Variants in MAP2 observed in about 807,000 individuals in gnomAD.
MAP2 encodes the protein microtubule-associated protein 2.
A neutral mutation model predicts 137.6 loss-of-function variants in MAP2; 14 were observed. The ratio of observed to expected loss-of-function variants is 0.10; its 90% CI spans 0.07 to 0.16. MAP2 has a LOEUF of 0.16. MAP2 is among the 10% of genes least tolerant of loss of function. MAP2 has a pLI of 1.00. For missense variants in MAP2, 2,088 were observed against 2,191.5 expected (o/e 0.95, Z 0.94); for synonymous variants, 786 against 782.3 (o/e 1.00, Z -0.08).
chr2:209,509,604 T>G (rs2150232527), intron 2 of MAP2, among the ~76,000 whole-genome samples: 1 of 152,090 alleles, frequency 6.6e-6, no homozygotes, highest in South Asian at 2.1e-4. Flanking sequence ...AAAACTATAT[T>G]AACTCACTAG....
chr2:209,572,613 C>T (rs981627468), intron 2 of MAP2, among the ~76,000 whole-genome samples: 10 of 152,108 alleles, frequency 6.6e-5, no homozygotes, highest in Admixed American at 4.6e-4. Flanking sequence ...CAAATCTAGT[C>T]CATTTTTTAA....
At chr2:209,688,938 A>T (rs977364266) in intron 7 of MAP2, among the ~76,000 whole-genome samples, 1 of 152,202 alleles carries the variant, frequency 6.6e-6, no homozygotes, top group African/African-American at 2.4e-5. Flanking sequence ...ATAAAGAAAT[A>T]TAACCCCTAT....
chr2:209,477,285 G>A (rs543114917), intron 1 of MAP2, among the ~76,000 whole-genome samples: 3 of 151,804 alleles, frequency 2.0e-5, no homozygotes, highest in Non-Finnish European at 2.9e-5. Context: ...GGGCCACTTT[G>A]TAACTGCTTG....
chr2:209,506,578 G>A (rs1023849215), intron 1 of MAP2, among the ~76,000 whole-genome samples: 1 of 152,140 alleles, frequency 6.6e-6, no homozygotes, highest in African/African-American at 2.4e-5. Flanking sequence ...TTTACTATCT[G>A]TTCAAGAGAC....
chr2:209,723,745 C>T, intron 13 of MAP2: 1 of 1,137,118 alleles, frequency 8.8e-7, no homozygotes, highest in South Asian at 1.2e-5. Context: ...CCTGCACAGC[C>T]AGCACCCTGC....
At position 209,627,052 on chromosome 2, in the gene MAP2, T is replaced by A. The variant is rs188065392; in HGVS notation, c.-30+1923T>A. 5.9e-5 allele frequency among the ~76,000 whole-genome samples: 9 copies of A among 152,250 alleles called. No homozygotes were observed. In the East Asian group the frequency reaches 1.5e-3, roughly 26 times the overall value. ...GATCTTACTAATCTAATGGGACTCA[T>A]GATTTTCATTCTTTTGCTATAACAC... On this transcript the variant is annotated intron_variant, in intron 4 of 15. Transcript: ENST00000682079.
chr2:209,544,045 T>C (rs1044607555), intron 2 of MAP2, among the ~76,000 whole-genome samples: 2 of 152,022 alleles, frequency 1.3e-5, no homozygotes, highest in Non-Finnish European at 1.5e-5. Flanking sequence ...TTGGCTAACA[T>C]GATGAAACCC....
At chr2:209,462,848 A>G (rs1261286565) in intron 1 of MAP2, among the ~76,000 whole-genome samples, 1 of 152,074 alleles carries the variant, frequency 6.6e-6, no homozygotes, top group Non-Finnish European at 1.5e-5. Context: ...AACATTCTCC[A>G]CTTAGTTTTA....
Position 209,426,521 on chromosome 2 carries a change from A to C in MAP2, c.-222+2245A>C, listed in dbSNP as rs1411032540. Among the ~76,000 whole-genome samples the C allele has an allele frequency of 2.6e-5, 4 of 152,276 alleles. No individual in the cohort carries two copies. The East Asian group carries it at 7.7e-4, about 29-fold the overall frequency. Reference sequence around the variant, plus strand: ...GATGACTTGTTTACAGCACCTTCTCAGGGAGGAGACAGGGAAAGAATGTGC... The same window carrying C: ...GATGACTTGTTTACAGCACCTTCTCCGGGAGGAGACAGGGAAAGAATGTGC... On this transcript the variant is annotated intron_variant, in intron 1 of 15. Transcript: ENST00000682079.
At chr2:209,660,605 C>T (rs1457948166) in intron 5 of MAP2, among the ~76,000 whole-genome samples, 1 of 148,266 alleles carries the variant, frequency 6.7e-6, no homozygotes, top group Admixed American at 6.8e-5. Flanking sequence ...CCGTGTTAGC[C>T]AGGATGGTCT....
At chr2:209,471,731 G>A (rs564428854) in intron 1 of MAP2, among the ~76,000 whole-genome samples, 6 of 138,302 alleles carry the variant, frequency 4.3e-5, no homozygotes, top group Non-Finnish European at 6.1e-5. Context: ...TTTGATATAT[G>A]TTATTACCTT....
intron 3 of MAP2, among the ~76,000 whole-genome samples, chr2:209,598,061 A>T (rs1166495453): frequency 3.3e-5 from 5 of 151,850 alleles, no homozygotes; most frequent in African/African-American, 1.2e-4. Context: ...TCTGGAGTGT[A>T]GTGGCGCAAC....
At chr2:209,456,611 A>G (rs1199170311) in intron 1 of MAP2, among the ~76,000 whole-genome samples, 1 of 152,192 alleles carries the variant, frequency 6.6e-6, no homozygotes, top group African/African-American at 2.4e-5. Context: ...ATGACAAACT[A>G]AGAGTAGCTC....
intron 5 of MAP2, among the ~76,000 whole-genome samples, chr2:209,665,483 C>T (rs1162880754): frequency 6.6e-6 from 1 of 152,182 alleles, no homozygotes; most frequent in Non-Finnish European, 1.5e-5. Context: ...GATTGCTGCA[C>T]TGTTCTAGGT....
At chr2:209,596,212 G>GC (rs1326772533) in intron 3 of MAP2, among the ~76,000 whole-genome samples, 10 of 152,254 alleles carry the variant, frequency 6.6e-5, no homozygotes, top group Non-Finnish European at 5.9e-5. Context: ...GATCACAGTG[G>GC]CCTTTTACTT....
At chr2:209,720,714 A>T (rs1379113475) in intron 13 of MAP2, among the ~76,000 whole-genome samples, 2 of 150,560 alleles carry the variant, frequency 1.3e-5, no homozygotes, top group Admixed American at 6.6e-5. Flanking sequence ...ATTTTGCGCA[A>T]TTATTATTCA....
chr2:209,490,988 T>G (rs1039973099), intron 1 of MAP2, among the ~76,000 whole-genome samples: 1 of 152,044 alleles, frequency 6.6e-6, no homozygotes, highest in African/African-American at 2.4e-5. Context: ...CCAAATCAAC[T>G]GAATATACAT....
At chr2:209,625,667 T>C (rs1183640164) in intron 4 of MAP2, among the ~76,000 whole-genome samples, 5 of 152,120 alleles carry the variant, frequency 3.3e-5, no homozygotes, top group Non-Finnish European at 7.4e-5. Flanking sequence ...AGGAGAGTAG[T>C]TTCATGTTGT....
At chr2:209,602,716 C>T (rs1367507598) in intron 3 of MAP2, among the ~76,000 whole-genome samples, 5 of 152,298 alleles carry the variant, frequency 3.3e-5, no homozygotes, top group South Asian at 2.1e-4. Flanking sequence ...CTTCTGAGAA[C>T]GCTAGCGGAT....
Sources: gnomAD v4.1 joint callset for allele counts (sites outside exome capture counted in the v4.1 genomes callset) on GRCh38, gnomAD v4.1.1 for gene constraint, MANE v1.5 for transcripts, NCBI Gene and HGNC (gene_info 2026-07-23, HGNC 2026-07-21) for gene names.